Variants in CERS6 observed in about 807,000 individuals in gnomAD.
The protein encoded by CERS6 is LAG1 homolog, ceramide synthase 6.
In CERS6, 26 loss-of-function variants were observed where a neutral mutation model predicts 56.8. That is an observed-to-expected ratio of 0.46 (90% CI 0.34 to 0.63). The LOEUF is 0.63. Among genes scored for constraint, CERS6 ranks in the 30% least tolerant of loss-of-function variants. The pLI is 0.01. For missense variants in CERS6, 415 were observed against 467.5 expected (o/e 0.89, Z 1.04); for synonymous variants, 164 against 173.3 (o/e 0.95, Z 0.42).
rs547427921 is a variant in CERS6 at position 168,696,513 on chromosome 2, AT to A, written c.609+1463del. ...AAAGTTCAAATACGTGGAGGATAAA[AT>A]GCAATGTCTTAATCCAATTGAGCTA... On this transcript the variant is annotated intron_variant, in intron 6 of 9. Transcript: ENST00000305747. Among the ~76,000 whole-genome samples the A allele has an allele frequency of 9.2e-5, 14 of 152,364 alleles. No homozygotes were observed. The South Asian group carries it at 1.4e-3, about 16-fold the overall frequency.
At chr2:168,641,383 C>A (rs763145059) in intron 4 of CERS6, among the ~76,000 whole-genome samples, 4 of 152,162 alleles carry the variant, frequency 2.6e-5, no homozygotes, top group Non-Finnish European at 4.4e-5. Flanking sequence ...TTCCTCTGGA[C>A]GTTAGCAACT....
chr2:168,759,566 C>A (rs1684509344), intron 8 of CERS6, among the ~76,000 whole-genome samples: 1 of 152,168 alleles, frequency 6.6e-6, no homozygotes, highest in South Asian at 2.1e-4. Context: ...ACAAATTCAT[C>A]TGTGACCACC....
intron 1 of CERS6, among the ~76,000 whole-genome samples, chr2:168,520,340 C>G (rs549874857): frequency 1.2e-3 from 179 of 152,078 alleles, no homozygotes; most frequent in Non-Finnish European, 2.1e-3. Flanking sequence ...TCCTTTGTTG[C>G]GTGCATAGTT....
At chr2:168,648,949 G>A (rs1293620671) in intron 4 of CERS6, among the ~76,000 whole-genome samples, 1 of 152,140 alleles carries the variant, frequency 6.6e-6, no homozygotes, top group African/African-American at 2.4e-5. Flanking sequence ...TGATGATGAG[G>A]AGAATGTATA....
chr2:168,701,392 A>G (rs1484968330), intron 6 of CERS6, among the ~76,000 whole-genome samples: 1 of 152,142 alleles, frequency 6.6e-6, no homozygotes, highest in Non-Finnish European at 1.5e-5. Flanking sequence ...GAGGTGTGCA[A>G]GGGCAAAACT....
chr2:168,669,982 A>G (rs1685867648), intron 4 of CERS6, among the ~76,000 whole-genome samples: 1 of 152,240 alleles, frequency 6.6e-6, no homozygotes, highest in Non-Finnish European at 1.5e-5. Context: ...TCCTGATTAT[A>G]CTATCAGTAT....
intron 4 of CERS6, among the ~76,000 whole-genome samples, chr2:168,684,942 G>A (rs1274701832): frequency 2.0e-5 from 3 of 152,094 alleles, no homozygotes; most frequent in African/African-American, 7.2e-5. Context: ...AATCCTCAAT[G>A]TAAGCAAAAG....
intron 3 of CERS6, among the ~76,000 whole-genome samples, chr2:168,577,790 G>A (rs1264971573): frequency 2.0e-5 from 3 of 152,216 alleles, no homozygotes; most frequent in African/African-American, 7.2e-5. Context: ...GGAGAGTGAA[G>A]AGGGAGGAGG....
chr2:168,462,184 A>C (rs547417226), intron 1 of CERS6, among the ~76,000 whole-genome samples: 1 of 152,284 alleles, frequency 6.6e-6, no homozygotes, highest in South Asian at 2.1e-4. Context: ...GACTTTCAAA[A>C]TTTTATTATT....
At chr2:168,625,327 C>T (rs13417268) in intron 3 of CERS6, among the ~76,000 whole-genome samples, 7 of 151,894 alleles carry the variant, frequency 4.6e-5, no homozygotes, top group Admixed American at 2.6e-4. Flanking sequence ...TGATTGATCA[C>T]GTTAGAAGTT....
intron 1 of CERS6, among the ~76,000 whole-genome samples, chr2:168,505,555 TGA>T (rs1360383051): frequency 6.6e-6 from 1 of 152,174 alleles, no homozygotes; most frequent in Admixed American, 6.5e-5. Flanking sequence ...CATAGGTTGA[TGA>T]GTGACCCTGA....
chr2:168,721,913 C>T (rs1436218101), intron 8 of CERS6, among the ~76,000 whole-genome samples: 2 of 152,152 alleles, frequency 1.3e-5, no homozygotes, highest in Non-Finnish European at 2.9e-5. Context: ...AGCCAATGCA[C>T]CCAGCCCACC....
At chr2:168,580,224 A>G (rs10205812) in intron 3 of CERS6, among the ~76,000 whole-genome samples, 19,595 of 152,110 alleles carry the variant, frequency 0.13, 2,475 homozygotes, top group African/African-American at 0.33. Flanking sequence ...TATGTGCTTA[A>G]TATAATCATT....
At position 168,477,218 on chromosome 2, in the gene CERS6, A is replaced by AGAGT. The variant is rs1391712992; in HGVS notation, c.170+20601_170+20602insAGTG. Among the ~76,000 whole-genome samples the AGAGT allele has an allele frequency of 2.3e-5, 3 of 132,518 alleles. No individual in the cohort carries two copies. In the East Asian group the frequency reaches 6.9e-4, roughly 30 times the overall value. 86.9% of individuals were successfully genotyped at this position (132,518 alleles called of 152,430 possible). On this transcript the variant is annotated intron_variant, in intron 1 of 9. Coordinates refer to ENST00000305747, the MANE Select transcript of CERS6 (RefSeq NM_203463.3). ...GAGAGAGAGAGAGAGAGAGAGAGAGAGTCTCATAGGGCACTAATTCCATTC... is the reference window on the plus strand; with the variant it reads ...GAGAGAGAGAGAGAGAGAGAGAGAGAGAGTGTCTCATAGGGCACTAATTCCATTC...
chr2:168,758,513 G>A (rs1284610246), intron 8 of CERS6, among the ~76,000 whole-genome samples: 1 of 152,104 alleles, frequency 6.6e-6, no homozygotes, highest in African/African-American at 2.4e-5. Flanking sequence ...AGCGGCGGAG[G>A]CAAATTTGCG....
rs534039569 is a variant in CERS6 at position 168,587,656 on chromosome 2, G to GA, written c.407+26342dup. Among the ~76,000 whole-genome samples, 142 of 151,614 alleles carry GA rather than the reference G, an allele frequency of 9.4e-4. 2 individuals are homozygous for GA. The highest frequency in any genetic ancestry group is 2.7e-3 in the African/African-American group (113 of 41,404). ...TGCCTTTCTGGAAGGAGTAGTTTGA[G>GA]AAAAAAAATGCTTCAGTGAAGGCAT... On this transcript the variant is annotated intron_variant, in intron 3 of 9. Transcript: ENST00000305747.
intron 4 of CERS6, among the ~76,000 whole-genome samples, chr2:168,646,545 G>A (rs1685208395): frequency 6.6e-6 from 1 of 152,144 alleles, no homozygotes. Flanking sequence ...AAGTTAATTA[G>A]ATCCCACTTG....
At chr2:168,597,092 C>T (rs1683819296) in intron 3 of CERS6, among the ~76,000 whole-genome samples, 3 of 152,076 alleles carry the variant, frequency 2.0e-5, no homozygotes, top group African/African-American at 7.2e-5. Context: ...ATGAGTTTAG[C>T]TTTGTCGTGT....
chr2:168,649,979 A>G (rs1365660420), intron 4 of CERS6, among the ~76,000 whole-genome samples: 1 of 152,210 alleles, frequency 6.6e-6, no homozygotes, highest in Non-Finnish European at 1.5e-5. Context: ...GGTATATGAT[A>G]TTAAACTGAT....
Sources: gnomAD v4.1 joint callset for allele counts (sites outside exome capture counted in the v4.1 genomes callset) on GRCh38, gnomAD v4.1.1 for gene constraint, MANE v1.5 for transcripts, NCBI Gene and HGNC (gene_info 2026-07-23, HGNC 2026-07-21) for gene names.